Variants in CDC14A observed in about 807,000 individuals in gnomAD.
The protein encoded by CDC14A is dual specificity protein phosphatase CDC14A.
A neutral mutation model predicts 74.4 loss-of-function variants in CDC14A; 53 were observed. That is an observed-to-expected ratio of 0.71 (90% CI 0.57 to 0.89). The LOEUF is 0.89. Among genes scored for constraint, CDC14A ranks in the 40% least tolerant of loss-of-function variants. The pLI is 0.00. For synonymous variants in CDC14A, 247 were observed against 258.4 expected, an observed-to-expected ratio of 0.96 and a Z score of 0.43; for missense variants, 646 against 713.7, an observed-to-expected ratio of 0.91 and a Z score of 1.08.
In CDC14A at chr1:100,376,282, C is replaced by T. The variant is rs577534832; in HGVS notation, c.141-1264C>T. On this transcript the variant is annotated intron_variant, in intron 2 of 15. Transcript: ENST00000336454. Reference sequence around the variant, plus strand: ...AAATGTGCACGTTGTGCACATGTACCCTAGAACTTAAAGTATATATATATA... The same window carrying T: ...AAATGTGCACGTTGTGCACATGTACTCTAGAACTTAAAGTATATATATATA... 3.3e-3 allele frequency among the ~76,000 whole-genome samples: 508 copies of T among 151,790 alleles called. 5 individuals are homozygous for T. Among genetic ancestry groups the T allele is most frequent in the Middle Eastern group, 0.014 (4 of 294 alleles).
intron 5 of CDC14A, among the ~76,000 whole-genome samples, chr1:100,429,955 G>C (rs1409073944): frequency 3.7e-4 from 56 of 151,738 alleles, no homozygotes; most frequent in Non-Finnish European, 1.5e-5. Context: ...TGTTGCCCAG[G>C]GTGGGCTTGA....
At chr1:100,509,083 G>A (rs938140548) in intron 15 of CDC14A, among the ~76,000 whole-genome samples, 9 of 152,050 alleles carry the variant, frequency 5.9e-5, no homozygotes, top group Admixed American at 5.9e-4. Flanking sequence ...GCTTCTGCCA[G>A]GCAGTTTCTT....
chr1:100,356,434 G>A (rs116288573), intron 2 of CDC14A, among the ~76,000 whole-genome samples: 383 of 152,132 alleles, frequency 2.5e-3, no homozygotes, highest in African/African-American at 8.9e-3. Context: ...GGTCACAGAA[G>A]TAAAAGTAGC....
At chr1:100,499,913 T>A (rs1191896655) in intron 15 of CDC14A, among the ~76,000 whole-genome samples, 1 of 152,080 alleles carries the variant, frequency 6.6e-6, no homozygotes, top group East Asian at 1.9e-4. Flanking sequence ...CAGGAAGGTG[T>A]TTAAAAGTAG....
At chr1:100,393,649 C>A in intron 4 of CDC14A, 7 of 571,508 alleles carry the variant, frequency 1.2e-5, no homozygotes, top group East Asian at 3.7e-5. Flanking sequence ...TAACCTTGAT[C>A]AAAATATGGA....
chr1:100,440,246 A>G (rs764946870), intron 6 of CDC14A, among the ~76,000 whole-genome samples: 7 of 152,200 alleles, frequency 4.6e-5, no homozygotes, highest in Non-Finnish European at 1.0e-4. Context: ...TATCACCACT[A>G]TCAGCTGCAG....
chr1:100,430,029 A>T (rs1290834491), intron 5 of CDC14A, among the ~76,000 whole-genome samples: 2 of 151,964 alleles, frequency 1.3e-5, no homozygotes, highest in African/African-American at 2.4e-5. Context: ...CTGGCCCAGA[A>T]TTTTACAAAG....
At chr1:100,349,822 C>A (rs1570922525), upstream of CDC14A, among the ~76,000 whole-genome samples, 1 of 152,098 alleles carries the variant, frequency 6.6e-6, no homozygotes, top group African/African-American at 2.4e-5. Context: ...GCCACCACAT[C>A]TGGCTAATTT....
chr1:100,377,709 T>C, intron 3 of CDC14A, 88 bp downstream of exon 3: 1 of 904,106 alleles, frequency 1.1e-6, no homozygotes, highest in Non-Finnish European at 1.7e-6. Flanking sequence ...ACAAAACATT[T>C]AGTCAGGTGA....
intron 1 of CDC14A, among the ~76,000 whole-genome samples, chr1:100,346,004 C>T (rs915514079): frequency 9.9e-5 from 15 of 152,140 alleles, no homozygotes; most frequent in Admixed American, 6.5e-5. Context: ...AACCCTGTCT[C>T]TACTAAAAAT....
intron 8 of CDC14A, 134 bp downstream of exon 8, chr1:100,455,626 C>T (rs1242142372): frequency 1.6e-6 from 1 of 635,558 alleles, no homozygotes. Context: ...AAAAATTGAA[C>T]AGTAGTAATA....
chr1:100,434,755 C>G (rs1664122339), intron 5 of CDC14A, among the ~76,000 whole-genome samples: 1 of 152,006 alleles, frequency 6.6e-6, no homozygotes, highest in South Asian at 2.1e-4. Context: ...GGAGTGGGAG[C>G]AGATTCAAGA....
In CDC14A at chr1:100,377,492, C is replaced by A. The variant is rs1655436643; in HGVS notation, c.141-54C>A. 4.2e-6 allele frequency: 5 copies of A among 1,187,738 alleles called. No individual in the cohort carries two copies. The South Asian group carries it at 5.2e-5, about 12-fold the overall frequency. The allele number at this position is 1,187,738 out of a possible 1,614,324, so 73.6% of individuals were successfully genotyped here. A position where few individuals can be genotyped will look rare whatever the true frequency, so the allele number is the denominator to read the frequency against. On this transcript the variant is annotated intron_variant, in intron 2 of 15. Transcript: ENST00000336454. ...AAATTAAAGATGAACATTGATGTTA[C>A]TGAAAATTATACTTTGACTAAATAC...
chr1:100,492,884 A>ATG (rs1204935245), intron 11 of CDC14A, among the ~76,000 whole-genome samples: 12 of 148,760 alleles, frequency 8.1e-5, no homozygotes, highest in African/African-American at 2.2e-4. Flanking sequence ...GTGTGTGGGT[A>ATG]TGTGTGTGTG....
intron 4 of CDC14A, among the ~76,000 whole-genome samples, chr1:100,399,672 A>T (rs1478963568): frequency 6.6e-6 from 1 of 152,138 alleles, no homozygotes; most frequent in Non-Finnish European, 1.5e-5. Flanking sequence ...CTATATTTAG[A>T]CCATTTTAGA....
At chr1:100,394,768 C>T (rs1658230562) in intron 4 of CDC14A, among the ~76,000 whole-genome samples, 1 of 152,220 alleles carries the variant, frequency 6.6e-6, no homozygotes, top group Non-Finnish European at 1.5e-5. Flanking sequence ...CTTTTTGACA[C>T]AAACCCTTAA....
intron 2 of CDC14A, among the ~76,000 whole-genome samples, chr1:100,360,628 A>G (rs1195235475): frequency 6.6e-6 from 1 of 152,152 alleles, no homozygotes; most frequent in East Asian, 1.9e-4. Context: ...TACAGGTGTG[A>G]GCCACCGTGC....
intron 10 of CDC14A, among the ~76,000 whole-genome samples, chr1:100,468,834 C>T (rs554644247): frequency 4.3e-4 from 65 of 152,164 alleles, no homozygotes; most frequent in Non-Finnish European, 2.6e-4. Flanking sequence ...CTAAGTCCAG[C>T]TCTAAAATAC....
intron 4 of CDC14A, among the ~76,000 whole-genome samples, chr1:100,420,082 A>ATATATATATATATATAGTGTGT (rs58124351): frequency 9.5e-6 from 1 of 105,526 alleles, no homozygotes; most frequent in Non-Finnish European, 2.0e-5. Context: ...ATATATATAT[A>ATATATATATATATATAGTGTGT]GTGTGTATGT....
Sources: gnomAD v4.1 joint callset for allele counts (sites outside exome capture counted in the v4.1 genomes callset) on GRCh38, gnomAD v4.1.1 for gene constraint, MANE v1.5 for transcripts, NCBI Gene and HGNC (gene_info 2026-07-23, HGNC 2026-07-21) for gene names.